The following PARD3 variants were observed in gnomAD, a reference collection of about 807,000 sequenced individuals.
The protein encoded by PARD3 is par-3 family cell polarity regulator, also known as partitioning defective 3 homolog.
PARD3 carries 75 observed loss-of-function variants against 155.4 expected under a neutral mutation model. The observed-to-expected ratio is 0.48, with a 90% CI of 0.40 to 0.58. The LOEUF is 0.58. Ranked by LOEUF, PARD3 falls within the 20% of genes least tolerant of loss-of-function variation. The probability of loss-of-function intolerance (pLI) is 0.00; values close to 1 mark genes in which losing one functional copy is unlikely to be tolerated. For missense variants in PARD3, 1,642 were observed against 1,721.7 expected, an observed-to-expected ratio of 0.95 and a Z score of 0.82; for synonymous variants, 576 against 610.5, an observed-to-expected ratio of 0.94 and a Z score of 0.83.
At chr10:34,400,420 G>A (rs116772086) in intron 6 of PARD3, among the ~76,000 whole-genome samples, 7 of 152,282 alleles carry the variant, frequency 4.6e-5, no homozygotes, top group African/African-American at 1.7e-4. Context: ...TATAGACAAT[G>A]TAATTTTCTA....
At chr10:34,650,669 T>C (rs141342123) in intron 2 of PARD3, among the ~76,000 whole-genome samples, 9 of 152,014 alleles carry the variant, frequency 5.9e-5, no homozygotes, top group African/African-American at 1.7e-4. Context: ...AGCACTTAGG[T>C]CAGAAAGCAC....
At chr10:34,750,462 A>AACACACACACACACAC (rs71033348) in intron 1 of PARD3, among the ~76,000 whole-genome samples, 18 of 135,928 alleles carry the variant, frequency 1.3e-4, no homozygotes, top group African/African-American at 4.4e-4. Context: ...CTCTCTTTCA[A>AACACACACACACACAC]ACACACACAC....
rs528687588 is a variant in PARD3 at position 34,464,880 on chromosome 10, C to G, written c.582+5205G>C. ...AATACATCAAAATGTCATTACTACT[C>G]ATCTTCAAAATTTCAAATTACAATC... is the stretch of plus-strand genomic sequence containing the variant. On this transcript the variant is annotated intron_variant, in intron 4 of 24. Transcript: ENST00000374788. Among the ~76,000 whole-genome samples, 11 of 152,288 alleles carry G rather than the reference C, an allele frequency of 7.2e-5. No individual in the cohort carries two copies. In the East Asian group the frequency reaches 1.4e-3, roughly 19 times the overall value.
At chr10:34,172,956 T>C (rs763211774) in intron 22 of PARD3, among the ~76,000 whole-genome samples, 1 of 152,198 alleles carries the variant, frequency 6.6e-6, no homozygotes, top group Non-Finnish European at 1.5e-5. Flanking sequence ...CCTGCTCTGC[T>C]ACTAGTTTAT....
At chr10:34,716,034 C>T (rs1182520516) in intron 1 of PARD3, among the ~76,000 whole-genome samples, 1 of 152,182 alleles carries the variant, frequency 6.6e-6, no homozygotes, top group Non-Finnish European at 1.5e-5. Context: ...CAAATACAGA[C>T]ATCCATTTAA....
intron 2 of PARD3, among the ~76,000 whole-genome samples, chr10:34,584,523 G>A (rs2087813893): frequency 6.6e-6 from 1 of 152,156 alleles, no homozygotes; most frequent in Non-Finnish European, 1.5e-5. Context: ...CTCTTCTCAA[G>A]CTCCTGTGTA....
At chr10:34,182,064 T>C (rs1312388892) in intron 22 of PARD3, among the ~76,000 whole-genome samples, 2 of 152,150 alleles carry the variant, frequency 1.3e-5, no homozygotes, top group Admixed American at 6.5e-5. Flanking sequence ...AAGCCAGATG[T>C]TTTCAATCTG....
intron 24 of PARD3, among the ~76,000 whole-genome samples, chr10:34,115,812 A>G (rs894589233): frequency 2.0e-5 from 3 of 150,414 alleles, no homozygotes; most frequent in Non-Finnish European, 4.4e-5. Context: ...TCCCGGGTTC[A>G]CACCATTCTC....
chr10:34,130,793 G>A (rs1467884479), intron 23 of PARD3, among the ~76,000 whole-genome samples: 1 of 152,216 alleles, frequency 6.6e-6, no homozygotes, highest in African/African-American at 2.4e-5. Context: ...TGGCACAGTG[G>A]TTCACAACTG....
chr10:34,421,544 C>T (rs1188177950), intron 5 of PARD3, among the ~76,000 whole-genome samples: 5 of 151,676 alleles, frequency 3.3e-5, no homozygotes, highest in Non-Finnish European at 5.9e-5. Context: ...ACTTTGGGTC[C>T]GGTCTGTTAA....
intron 3 of PARD3, among the ~76,000 whole-genome samples, chr10:34,498,028 A>G (rs371699363): frequency 1.3e-5 from 2 of 152,200 alleles, no homozygotes; most frequent in Non-Finnish European, 2.9e-5. Flanking sequence ...TACCTCCTCA[A>G]AGAACTTCTT....
intron 22 of PARD3, among the ~76,000 whole-genome samples, chr10:34,171,783 C>G (rs1383157764): frequency 6.6e-6 from 1 of 151,566 alleles, no homozygotes; most frequent in Non-Finnish European, 1.5e-5. Context: ...AATCCCGTTT[C>G]TACTAAAAAT....
At chr10:34,344,648 C>G in intron 15 of PARD3, 6 of 985,302 alleles carry the variant, frequency 6.1e-6, no homozygotes, top group Non-Finnish European at 7.2e-6. Flanking sequence ...TAAGGCTTTT[C>G]AAAGGAAGAA....
chr10:34,135,208 C>T (rs1428185213), intron 22 of PARD3, among the ~76,000 whole-genome samples: 1 of 152,220 alleles, frequency 6.6e-6, no homozygotes, highest in Non-Finnish European at 1.5e-5. Context: ...GAGATACTTT[C>T]TGTATAAAAC....
intron 5 of PARD3, among the ~76,000 whole-genome samples, chr10:34,425,451 T>C (rs1421347080): frequency 6.6e-6 from 1 of 152,190 alleles, no homozygotes; most frequent in African/African-American, 2.4e-5. Context: ...GGTCTCGCTC[T>C]GTGGCACAAT....
intron 3 of PARD3, among the ~76,000 whole-genome samples, chr10:34,516,176 G>A (rs565128519): frequency 9.9e-5 from 15 of 152,102 alleles, no homozygotes; most frequent in Middle Eastern, 3.4e-3. Flanking sequence ...TGTCGGCCAG[G>A]CTGATCTCAA....
intron 20 of PARD3, among the ~76,000 whole-genome samples, chr10:34,313,293 ACT>A (rs1365233925): frequency 6.6e-6 from 1 of 152,216 alleles, no homozygotes; most frequent in Non-Finnish European, 1.5e-5. Flanking sequence ...TTGTAAGCAC[ACT>A]CAGGTTTCTT....
rs556332734 is a variant in PARD3 at position 34,643,371 on chromosome 10, T to C, written c.222+52947A>G. On this transcript the variant is annotated intron_variant, in intron 2 of 24. Coordinates refer to ENST00000374788, the MANE Select transcript of PARD3 (RefSeq NM_001184785.2). ...GTCCTCTGCCTCATGTCTCCAGCCATAGCACATGAACAGAACCAGCTCAGC... is the reference window on the plus strand; with the variant it reads ...GTCCTCTGCCTCATGTCTCCAGCCACAGCACATGAACAGAACCAGCTCAGC... Among the ~76,000 whole-genome samples, 4 of 152,330 alleles carry C rather than the reference T, an allele frequency of 2.6e-5. No homozygotes were observed. The South Asian group carries it at 8.3e-4, about 32-fold the overall frequency.
Position 34,652,485 on chromosome 10 carries a change from T to C in PARD3, c.222+43833A>G, listed in dbSNP as rs376904231. Among the ~76,000 whole-genome samples, 97 of 152,342 alleles carry C rather than the reference T, an allele frequency of 6.4e-4. 1 individual carries two copies. Among genetic ancestry groups the C allele is most frequent in the African/African-American group, 2.3e-3 (96 of 41,584 alleles). Reference sequence around the variant, plus strand: ...AATGCGTCTAGTTTGAGAAGTTTGCTGAAGGACCACTTAGATGGTGAAGCC... The same window carrying C: ...AATGCGTCTAGTTTGAGAAGTTTGCCGAAGGACCACTTAGATGGTGAAGCC... On this transcript the variant is annotated intron_variant, in intron 2 of 24. Transcript: ENST00000374788.
Sources: allele counts gnomAD v4.1 joint callset (sites outside exome capture counted in the v4.1 genomes callset), GRCh38; gene constraint gnomAD v4.1.1; transcripts MANE v1.5; gene names NCBI Gene and HGNC (gene_info 2026-07-23, HGNC 2026-07-21).